The following MYO16 variants were observed in gnomAD, a reference collection of about 807,000 sequenced individuals.
MYO16 encodes unconventional myosin-XVI.
Under a neutral mutation model 205.3 loss-of-function variants are expected in MYO16, and 94 were observed. That is an observed-to-expected ratio of 0.46 (90% CI 0.39 to 0.54). The LOEUF is 0.54. Ranked by LOEUF, MYO16 falls within the 20% of genes least tolerant of loss-of-function variation. The pLI, the probability that MYO16 is intolerant of heterozygous loss-of-function variation, is 0.00. For missense variants in MYO16, 2,315 were observed against 2,387.5 expected, an observed-to-expected ratio of 0.97 and a Z score of 0.63; for synonymous variants, 988 against 954.0, an observed-to-expected ratio of 1.04 and a Z score of -0.66.
intron 27 of MYO16, among the ~76,000 whole-genome samples, chr13:109,057,533 A>G (rs1370934560): frequency 2.0e-5 from 3 of 152,080 alleles, no homozygotes; most frequent in Non-Finnish European, 4.4e-5. Flanking sequence ...CATAGTAGCT[A>G]TCACTGACTG....
At chr13:109,112,623 C>T (rs779752940) in intron 28 of MYO16, among the ~76,000 whole-genome samples, 11 of 151,912 alleles carry the variant, frequency 7.2e-5, no homozygotes, top group African/African-American at 1.9e-4. Flanking sequence ...GGCACGGTGG[C>T]GCATGCCTGT....
intron 12 of MYO16, among the ~76,000 whole-genome samples, chr13:108,879,035 A>C (rs370773140): frequency 2.6e-5 from 4 of 152,224 alleles, no homozygotes; most frequent in East Asian, 1.9e-4. Context: ...TAATGTTTGT[A>C]GGAAAGTGCT....
At chr13:109,173,887 CAAAAAAAAA>C (rs778094207) in intron 33 of MYO16, among the ~76,000 whole-genome samples, 6 of 29,120 alleles carry the variant, frequency 2.1e-4, no homozygotes, top group Admixed American at 6.1e-4. Context: ...GACTCCATCT[CAAAAAAAAA>C]AAAAAAAAAA....
intron 1 of MYO16, among the ~76,000 whole-genome samples, chr13:108,658,994 G>A (rs987634042): frequency 6.6e-6 from 1 of 151,450 alleles, no homozygotes; most frequent in Non-Finnish European, 1.5e-5. Context: ...ATGGCCACAG[G>A]AAGATTTTTA....
chr13:108,550,319 C>T, the MYO16 span, among the ~76,000 whole-genome samples: 1 of 152,380 alleles, frequency 6.6e-6, no homozygotes, highest in Middle Eastern at 3.4e-3. Flanking sequence ...TACCCCTGAG[C>T]TTTTAACTTG....
intron 4 of MYO16, among the ~76,000 whole-genome samples, chr13:108,735,085 G>T (rs9587660): frequency 0.078 from 11,866 of 152,116 alleles, 1,513 homozygotes; most frequent in African/African-American, 0.27. Flanking sequence ...AAGATGTATA[G>T]AGAGAGAAAG....
At chr13:108,692,620 A>C (rs996656744) in intron 2 of MYO16, among the ~76,000 whole-genome samples, 1 of 152,180 alleles carries the variant, frequency 6.6e-6, no homozygotes, top group Non-Finnish European at 1.5e-5. Flanking sequence ...GCCAGCATTT[A>C]TCTCTCTTCC....
At chr13:108,681,500 G>T (rs944250030) in intron 2 of MYO16, among the ~76,000 whole-genome samples, 1 of 152,198 alleles carries the variant, frequency 6.6e-6, no homozygotes, top group Non-Finnish European at 1.5e-5. Flanking sequence ...TGTGTGGGAG[G>T]TTGTACTGAG....
intron 7 of MYO16, among the ~76,000 whole-genome samples, chr13:108,819,980 G>A (rs2139014117): frequency 6.6e-6 from 1 of 152,212 alleles, no homozygotes; most frequent in African/African-American, 2.4e-5. Flanking sequence ...TCAGTGTAGT[G>A]ATTCATTCAG....
At chr13:109,023,739 A>T (rs1205992887) in intron 23 of MYO16, among the ~76,000 whole-genome samples, 1 of 79,042 alleles carries the variant, frequency 1.3e-5, no homozygotes. Context: ...GCATATATAC[A>T]TATATACGTA....
chr13:108,829,001 C>T (rs1356285757), intron 9 of MYO16, among the ~76,000 whole-genome samples: 1 of 152,148 alleles, frequency 6.6e-6, no homozygotes, highest in African/African-American at 2.4e-5. Context: ...GTAAGCCATT[C>T]TAGTAGTTTG....
intron 3 of MYO16, among the ~76,000 whole-genome samples, chr13:108,718,464 A>T (rs1884034548): frequency 6.6e-6 from 1 of 151,210 alleles, no homozygotes; most frequent in Non-Finnish European, 1.5e-5. Context: ...TCCTCCAAGG[A>T]CCTCACAGGG....
chr13:108,890,459 C>T (rs956308047), intron 14 of MYO16, among the ~76,000 whole-genome samples: 1 of 152,150 alleles, frequency 6.6e-6, no homozygotes, highest in African/African-American at 2.4e-5. Flanking sequence ...TAGCTCTGCT[C>T]CCCAGGGTCA....
rs762138207 is a variant in MYO16, at chr13:109,140,481, T to C, written c.4269T>C (p.Pro1423=). ...AGTGCGCGCTGCCCCCGGCGGCGCC[T>C]CCGGGTGACGAGGACGACAGCGAGC... The part of the protein sequence containing the change: ...TPQCALPPAA[P]PGDEDDSEPV... Residue 1423 remains proline (P), a synonymous_variant, in exon 32 of 35, where the codon CCT becomes CCC. Transcript: ENST00000457511. This position sits in a 1 kb window ranked among gnomAD's most constrained non-coding sequence, Gnocchi z 8.0. The C allele has an allele frequency of 6.5e-7, 1 of 1,539,896 alleles. No individual in the cohort carries two copies. Among genetic ancestry groups the C allele is most frequent in the East Asian group, 2.5e-5 (1 of 39,722 alleles).
At chr13:108,711,139 G>A (rs1446100074) in intron 2 of MYO16, among the ~76,000 whole-genome samples, 2 of 152,202 alleles carry the variant, frequency 1.3e-5, no homozygotes, top group Non-Finnish European at 2.9e-5. Context: ...AAACAGGACG[G>A]TTCTTAGAAA....
chr13:108,611,154 T>C (rs917706837), intron 1 of MYO16, among the ~76,000 whole-genome samples: 6 of 152,156 alleles, frequency 3.9e-5, no homozygotes, highest in African/African-American at 1.4e-4. Context: ...GTAATTTAGC[T>C]TTCCATAAAT....
At chr13:108,692,748 A>G (rs1410720708) in intron 2 of MYO16, among the ~76,000 whole-genome samples, 1 of 152,226 alleles carries the variant, frequency 6.6e-6, no homozygotes, top group Non-Finnish European at 1.5e-5. Flanking sequence ...TTAATGAAGT[A>G]CAAAAAGAAG....
intron 15 of MYO16, among the ~76,000 whole-genome samples, chr13:108,906,632 A>G (rs1880991515): frequency 6.6e-6 from 1 of 152,170 alleles, no homozygotes; most frequent in African/African-American, 2.4e-5. Flanking sequence ...GGCTTAGGAG[A>G]CAAGACAGTT....
intron 15 of MYO16, among the ~76,000 whole-genome samples, chr13:108,901,243 A>C (rs780446780): frequency 3.9e-5 from 6 of 152,116 alleles, no homozygotes; most frequent in Non-Finnish European, 8.8e-5. Context: ...CTTGTGAAAC[A>C]TGTGATTTCT....
Sources: gnomAD v4.1 joint callset for allele counts (sites outside exome capture counted in the v4.1 genomes callset) on GRCh38, gnomAD v4.1.1 for gene constraint, Gnocchi (gnomAD v3.1) non-coding constraint, MANE v1.5 for transcripts, NCBI Gene and HGNC (gene_info 2026-07-23, HGNC 2026-07-21) for gene names.